Variants in COG2 observed in about 807,000 individuals in gnomAD.
COG2 encodes the protein component of oligomeric golgi complex 2.
In COG2, 52 loss-of-function variants were observed where a neutral mutation model predicts 90.6. The ratio of observed to expected loss-of-function variants is 0.57; its 90% CI spans 0.46 to 0.72. The LOEUF (loss-of-function observed/expected upper bound fraction) is 0.72, where lower values mean the gene tolerates loss of function less well. Ranked by LOEUF, COG2 falls within the 30% of genes least tolerant of loss-of-function variation. COG2 has a pLI of 0.00. For synonymous variants in COG2, 337 were observed against 320.4 expected (o/e 1.05, Z -0.55); for missense variants, 829 against 891.2 (o/e 0.93, Z 0.89).
rs193061414 is a variant in COG2, at chr1:230,665,797, A to T, written c.485+1210A>T. Reference sequence around the variant, plus strand: ...TGAGAGCCCAGCAGAGCCCTGTTCCACTAACTGCTCTGCTTCTGTCTTCCA... The same window carrying T: ...TGAGAGCCCAGCAGAGCCCTGTTCCTCTAACTGCTCTGCTTCTGTCTTCCA... On this transcript the variant is annotated intron_variant, in intron 5 of 17. Transcript: ENST00000366669. Among the ~76,000 whole-genome samples, 31 of 152,222 alleles carry T rather than the reference A, an allele frequency of 2.0e-4. No homozygotes were observed. The East Asian group carries it at 6.0e-3, about 29-fold the overall frequency.
intron 1 of COG2, among the ~76,000 whole-genome samples, chr1:230,650,587 A>T (rs1661891262): frequency 2.0e-5 from 3 of 151,290 alleles, no homozygotes; most frequent in African/African-American, 7.3e-5. Flanking sequence ...TTCCTTGTAG[A>T]CTCCGGATAT....
chr1:230,685,289 A>G, intron 12 of COG2, 53 bp downstream of exon 12: 3 of 1,592,578 alleles, frequency 1.9e-6, no homozygotes, highest in African/African-American at 1.3e-5. Flanking sequence ...AAAATTAAAG[A>G]TATGTTAGGC....
chr1:230,686,926 C>G lies in COG2; in HGVS notation c.1381-9C>G. Reference sequence around the variant, plus strand: ...GTGAAAGTAGTTAATCAGTGAAATCCTTTTTCAGCTTTCACTCAGGCCCAT... The same window carrying G: ...GTGAAAGTAGTTAATCAGTGAAATCGTTTTTCAGCTTTCACTCAGGCCCAT... On this transcript the variant is annotated splice_polypyrimidine_tract_variant and intron_variant, in intron 12 of 17. Transcript: ENST00000366669. The G allele has an allele frequency of 6.7e-7, 1 of 1,497,050 alleles. No individual in the cohort carries two copies. Among genetic ancestry groups the G allele is most frequent in the Non-Finnish European group, 9.0e-7 (1 of 1,116,082 alleles). 92.7% of individuals were successfully genotyped at this position (1,497,050 alleles called of 1,614,324 possible).
intron 10 of COG2, chr1:230,681,547 A>G (rs1662749346): frequency 6.6e-6 from 1 of 152,232 alleles, no homozygotes; most frequent in Non-Finnish European, 1.5e-5. Flanking sequence ...TTATTTAAGT[A>G]TTATTGTAGA....
At chr1:230,679,201 TAAG>T (rs1662672770) in intron 10 of COG2, 149 bp downstream of exon 10, 1 of 740,436 alleles carries the variant, frequency 1.4e-6, no homozygotes, top group East Asian at 2.8e-5. Flanking sequence ...GAAAGAGATA[TAAG>T]AAGTATTATG....
intron 10 of COG2, chr1:230,682,176 T>C (rs1017983958): frequency 1.3e-5 from 2 of 152,256 alleles, no homozygotes; most frequent in African/African-American, 4.8e-5. Flanking sequence ...TTCCCTGATA[T>C]AAACAGTGCT....
chr1:230,687,377 A>G (rs1020456146), intron 13 of COG2, among the ~76,000 whole-genome samples: 2 of 152,014 alleles, frequency 1.3e-5, no homozygotes, highest in Non-Finnish European at 2.9e-5. Flanking sequence ...TGCATTCTGT[A>G]TTGTATTCAC....
chr1:230,659,971 G>A (rs1221905642), intron 2 of COG2, among the ~76,000 whole-genome samples: 1 of 152,198 alleles, frequency 6.6e-6, no homozygotes, highest in Non-Finnish European at 1.5e-5. Context: ...TCTTAAGGAA[G>A]TGTTTAATTT....
Position 230,687,211 on chromosome 1 carries a change from C to T in COG2, c.1578+79C>T, listed in dbSNP as rs1662905567. Reference sequence around the variant, plus strand: ...AGGTAGTATGTGTAAAAGGCAAACACCACTGGGCCTTACGGGGCTTAAATT... The same window carrying T: ...AGGTAGTATGTGTAAAAGGCAAACATCACTGGGCCTTACGGGGCTTAAATT... On this transcript the variant is annotated intron_variant, in intron 13 of 17. Coordinates refer to ENST00000366669, the MANE Select transcript of COG2 (RefSeq NM_007357.3). The T allele has an allele frequency of 3.1e-6, 4 of 1,274,032 alleles. No individual in the cohort carries two copies. In the South Asian group the frequency reaches 4.7e-5, roughly 15 times the overall value. The allele number at this position is 1,274,032 out of a possible 1,614,324, so 78.9% of individuals were successfully genotyped here.
chr1:230,668,581 T>C (rs1438711214), intron 5 of COG2, 95 bp from the exon 6 acceptor site: 1 of 686,002 alleles, frequency 1.5e-6, no homozygotes, highest in African/African-American at 1.8e-5. Context: ...CAAAATACAG[T>C]GGGTATGAAA....
chr1:230,650,927 A>G (rs1280253939), intron 1 of COG2, among the ~76,000 whole-genome samples: 1 of 152,100 alleles, frequency 6.6e-6, no homozygotes, highest in African/African-American at 2.4e-5. Flanking sequence ...TGAATATTTA[A>G]TGTTTATCGA....
At position 230,642,595 on chromosome 1, in the gene COG2, G is replaced by C; in HGVS notation, c.-12G>C. On this transcript the variant is annotated 5_prime_UTR_variant, in exon 1 of 18. Transcript: ENST00000366669. ...GCTTGGATCTTGGCACTGAGAGGCG[G>C]TGGCCGGCGGGATGGAGAAAAGTAG... 6.2e-7 allele frequency: 1 copy of C among 1,609,994 alleles called. No individual in the cohort carries two copies. Among genetic ancestry groups the C allele is most frequent in the Non-Finnish European group, 8.5e-7 (1 of 1,178,376 alleles).
At chr1:230,658,447 C>G (rs529915141) in intron 1 of COG2, among the ~76,000 whole-genome samples, 5 of 152,234 alleles carry the variant, frequency 3.3e-5, no homozygotes, top group South Asian at 2.1e-4. Flanking sequence ...GGGGCACCTG[C>G]CAGATGCCAG....
At chr1:230,679,577 G>A (rs770483486) in intron 10 of COG2, 1 of 152,290 alleles carries the variant, frequency 6.6e-6, no homozygotes, top group Non-Finnish European at 1.5e-5. Context: ...TCGTCTTTGT[G>A]ACATTTGTAC....
At chr1:230,655,661 T>G (rs1662029029) in intron 1 of COG2, among the ~76,000 whole-genome samples, 2 of 152,252 alleles carry the variant, frequency 1.3e-5, no homozygotes, top group South Asian at 4.1e-4. Flanking sequence ...TGGAATAGTT[T>G]CAGAAGGAAT....
intron 1 of COG2, among the ~76,000 whole-genome samples, chr1:230,658,478 G>C (rs916536937): frequency 2.0e-5 from 3 of 152,146 alleles, no homozygotes; most frequent in African/African-American, 7.2e-5. Flanking sequence ...CCTGTGTGAA[G>C]TGTCTCTCAG....
At chr1:230,652,092 A>G (rs1022250937) in intron 1 of COG2, among the ~76,000 whole-genome samples, 2 of 152,220 alleles carry the variant, frequency 1.3e-5, no homozygotes, top group African/African-American at 4.8e-5. Context: ...TAATAAGTAC[A>G]TAGTGTCATG....
Position 230,663,198 on chromosome 1 carries a change from C to CA in COG2, c.360dup (p.Glu121ArgfsTer4). On this transcript the variant is annotated frameshift_variant, in exon 4 of 18. Coordinates refer to ENST00000366669, the MANE Select transcript of COG2 (RefSeq NM_007357.3). LOFTEE classifies it high-confidence loss of function. Reference sequence around the variant, plus strand: ...GGCAGTTGATGAACGAATGTCTAAACAAGAGGACATTAGGAAAAAAAAGGT... The same window carrying CA: ...GGCAGTTGATGAACGAATGTCTAAACAAAGAGGACATTAGGAAAAAAAAGGT... 6.2e-7 allele frequency: 1 copy of CA among 1,607,040 alleles called. No homozygotes were observed. Among genetic ancestry groups the CA allele is most frequent in the Non-Finnish European group, 8.5e-7 (1 of 1,176,806 alleles).
At chr1:230,671,434 T>C in intron 7 of COG2, 82 bp from the exon 8 acceptor site, 1 of 1,315,980 alleles carries the variant, frequency 7.6e-7, no homozygotes, top group Non-Finnish European at 1.0e-6. Flanking sequence ...TTTGTAAAGT[T>C]TTCTTTATTG....
Sources: gnomAD v4.1 joint callset for allele counts (sites outside exome capture counted in the v4.1 genomes callset) on GRCh38, gnomAD v4.1.1 for gene constraint, MANE v1.5 for transcripts, NCBI Gene and HGNC (gene_info 2026-07-23, HGNC 2026-07-21) for gene names.